Variants in COL12A1 observed in about 807,000 individuals in gnomAD.
The protein encoded by COL12A1 is collagen type XII alpha 1 chain, also known as collagen alpha-1(XII) chain.
Under a neutral mutation model 349.7 loss-of-function variants are expected in COL12A1, and 114 were observed. The observed-to-expected ratio is 0.33, with a 90% CI of 0.28 to 0.38. The LOEUF is 0.38. COL12A1 is among the 10% of genes least tolerant of loss of function. COL12A1 has a pLI of 1.00. For missense variants in COL12A1, 3,284 were observed against 3,756.9 expected, an observed-to-expected ratio of 0.87 and a Z score of 3.29; for synonymous variants, 1,369 against 1,329.0, an observed-to-expected ratio of 1.03 and a Z score of -0.66.
At chr6:75,146,602 TTA>T (rs756526560) in intron 23 of COL12A1, among the ~76,000 whole-genome samples, 1 of 152,130 alleles carries the variant, frequency 6.6e-6, no homozygotes, top group African/African-American at 2.4e-5. Context: ...TCACAGAACT[TTA>T]TATATATGTA....
chr6:75,137,073 A>G (rs1766646203), intron 31 of COL12A1, among the ~76,000 whole-genome samples: 1 of 152,198 alleles, frequency 6.6e-6, no homozygotes, highest in Non-Finnish European at 1.5e-5. Context: ...GCAAACTTTC[A>G]GCAGTTGATT....
chr6:75,148,574 A>T, intron 21 of COL12A1, 77 bp from the exon 22 acceptor site: 1 of 1,256,584 alleles, frequency 8.0e-7, no homozygotes, highest in Non-Finnish European at 1.1e-6. Context: ...ACATTGAAAC[A>T]ATATTATGCT....
At chr6:75,091,426 C>A in intron 61 of COL12A1, 37 bp from the exon 62 acceptor site, 1 of 1,612,186 alleles carries the variant, frequency 6.2e-7, no homozygotes, top group Non-Finnish European at 8.5e-7. Context: ...CATATTAGTT[C>A]TATAGTTTTA....
chr6:75,170,986 A>T (rs908421273), intron 13 of COL12A1, among the ~76,000 whole-genome samples: 2 of 152,204 alleles, frequency 1.3e-5, no homozygotes, highest in African/African-American at 4.8e-5. Flanking sequence ...AAAAAACAAC[A>T]CTCAAAAATT....
intron 43 of COL12A1, among the ~76,000 whole-genome samples, chr6:75,122,748 T>C (rs1288299671): frequency 6.6e-6 from 1 of 152,222 alleles, no homozygotes; most frequent in African/African-American, 2.4e-5. Context: ...GAGAAAAGAA[T>C]AATACAGTAG....
rs189211970 is a variant in COL12A1, at chr6:75,091,439, C to T, written c.8686-50G>A. The T allele has an allele frequency of 1.9e-4, 305 of 1,611,866 alleles. 2 individuals are homozygous for T. In the East Asian group the frequency reaches 6.3e-3, roughly 33 times the overall value. ...AGCATATTAGTTCTATAGTTTTAGG[C>T]TTCAATGTTTAACACACAAAATAAA... On this transcript the variant is annotated intron_variant, in intron 61 of 65. Transcript: ENST00000322507.
intron 13 of COL12A1, among the ~76,000 whole-genome samples, chr6:75,171,730 A>G (rs1055152505): frequency 6.6e-6 from 1 of 152,228 alleles, no homozygotes; most frequent in African/African-American, 2.4e-5. Context: ...ATTTACCATC[A>G]TATCCTATTC....
intron 2 of COL12A1, among the ~76,000 whole-genome samples, chr6:75,201,266 G>A (rs1430065161): frequency 6.6e-6 from 1 of 152,048 alleles, no homozygotes; most frequent in Non-Finnish European, 1.5e-5. Flanking sequence ...TCCTAACAAC[G>A]ACATAGAAAG....
At chr6:75,198,687 C>T (rs540487784) in intron 2 of COL12A1, among the ~76,000 whole-genome samples, 26 of 152,050 alleles carry the variant, frequency 1.7e-4, no homozygotes, top group Non-Finnish European at 2.8e-4. Flanking sequence ...AAGAAATTAC[C>T]GGCCACTGCA....
chr6:75,190,005 CT>C (rs1186295380), intron 5 of COL12A1, among the ~76,000 whole-genome samples, 190 bp from the exon 6 acceptor site: 11 of 151,908 alleles, frequency 7.2e-5, no homozygotes, highest in Non-Finnish European at 1.3e-4. Context: ...TTTTCAATGC[CT>C]TTATCAAGAT....
At chr6:75,134,704 T>C (rs1439482794) in intron 32 of COL12A1, 22 bp downstream of exon 32, 1 of 1,581,540 alleles carries the variant, frequency 6.3e-7, no homozygotes, top group Non-Finnish European at 8.6e-7. Context: ...AAAGAAGCTA[T>C]AGGAACTCAG....
Position 75,113,189 on chromosome 6 carries a change from A to G in COL12A1, c.7950+15T>C. 2 of 1,348,330 alleles carry G rather than the reference A, an allele frequency of 1.5e-6. No homozygotes were observed. Among genetic ancestry groups the G allele is most frequent in the Non-Finnish European group, 2.0e-6 (2 of 986,192 alleles). 83.5% of individuals were successfully genotyped at this position (1,348,330 alleles called of 1,614,324 possible). A position where few individuals can be genotyped will look rare whatever the true frequency, so the allele number is the denominator to read the frequency against. ...TTTTTCTAGAAATAAGACTCAAATA[A>G]TCTTATGTTTTTACCTTGTGAAAAC... On this transcript the variant is annotated intron_variant, in intron 51 of 65. Coordinates refer to ENST00000322507, the MANE Select transcript of COL12A1 (RefSeq NM_004370.6).
chr6:75,134,883 T>TTAG, intron 31 of COL12A1, 28 bp from the exon 32 acceptor site: 1 of 1,600,136 alleles, frequency 6.2e-7, no homozygotes, highest in Non-Finnish European at 8.5e-7. Context: ...TTGGTAAGTG[T>TTAG]CAGCCTTGCT....
intron 10 of COL12A1, 78 bp from the exon 11 acceptor site, chr6:75,181,289 T>C (rs1769275950): frequency 7.4e-7 from 1 of 1,358,254 alleles, no homozygotes. Context: ...TCAATGTTTA[T>C]AAAATGGCTT....
At chr6:75,100,992 A>G (rs1582047996) in intron 58 of COL12A1, among the ~76,000 whole-genome samples, 1 of 152,216 alleles carries the variant, frequency 6.6e-6, no homozygotes, top group South Asian at 2.1e-4. Flanking sequence ...TGAACAGAAC[A>G]TAGAGGTCAT....
Position 75,090,165 on chromosome 6 carries a change from C to A in COL12A1, c.8886G>T (p.Gly2962=), listed in dbSNP as rs373455368. 247 of 1,613,992 alleles carry A rather than the reference C, an allele frequency of 1.5e-4. No individual in the cohort carries two copies. Among genetic ancestry groups the A allele is most frequent in the Non-Finnish European group, 2.0e-4 (233 of 1,180,028 alleles). Residue 2962 remains glycine, a synonymous_variant, in exon 63 of 66, where the codon GGG becomes GGT. Transcript: ENST00000322507. This position sits in a 1 kb window ranked among gnomAD's most constrained non-coding sequence, Gnocchi z 4.1. ...GTGTGCCCGGGAAGCCTGGCCGCCC[C>A]CCAGGCCCAGGTTCTCCTCTGGCTC... is the stretch of plus-strand genomic sequence containing the variant. ...SAGARGEPGP[G]GRPGFPGTPG...
chr6:75,185,950 A>C (rs1176356589), intron 8 of COL12A1, among the ~76,000 whole-genome samples: 1 of 152,162 alleles, frequency 6.6e-6, no homozygotes, highest in Non-Finnish European at 1.5e-5. Flanking sequence ...TCCTTAGACC[A>C]CAGACAAAAA....
intron 56 of COL12A1, 93 bp from the exon 57 acceptor site, chr6:75,102,145 T>G: frequency 8.1e-7 from 1 of 1,238,710 alleles, no homozygotes; most frequent in Non-Finnish European, 1.2e-6. Context: ...CTTCATCACT[T>G]CATAAATCCA....
intron 3 of COL12A1, among the ~76,000 whole-genome samples, chr6:75,193,656 G>A (rs948431750): frequency 2.6e-5 from 4 of 152,250 alleles, no homozygotes; most frequent in African/African-American, 9.6e-5. Flanking sequence ...ATGTATACAT[G>A]TGCCATGTTG....
Sources: allele counts gnomAD v4.1 joint callset (sites outside exome capture counted in the v4.1 genomes callset), GRCh38; gene constraint gnomAD v4.1.1; non-coding constraint Gnocchi (gnomAD v3.1); transcripts MANE v1.5; gene names NCBI Gene and HGNC (gene_info 2026-07-23, HGNC 2026-07-21).